SPTA1: variants seen among roughly 807,000 people sequenced by gnomAD.
SPTA1 encodes the protein spectrin alpha, erythrocytic 1.
Under a neutral mutation model 324.7 loss-of-function variants are expected in SPTA1, and 177 were observed. The ratio of observed to expected loss-of-function variants is 0.55; its 90% confidence interval spans 0.48 to 0.62. SPTA1 has a LOEUF of 0.62. SPTA1 is among the 20% of genes least tolerant of loss of function. The probability of loss-of-function intolerance (pLI) is 0.00; values close to 1 mark genes in which losing one functional copy is unlikely to be tolerated. For synonymous variants in SPTA1, 1,195 were observed against 1,041.3 expected (o/e 1.15, Z -2.84); for missense variants, 3,162 against 2,883.6 (o/e 1.10, Z -2.21).
chr1:158,671,244 T>C (rs1237116550), intron 12 of SPTA1, 99 bp downstream of exon 12: 2 of 815,464 alleles, frequency 2.5e-6, no homozygotes, highest in African/African-American at 3.4e-5. Flanking sequence ...TCAGGCTATG[T>C]CTGGTAGTTA....
At chr1:158,679,735 A>G (rs189500472) in intron 5 of SPTA1, among the ~76,000 whole-genome samples, 4 of 152,324 alleles carry the variant, frequency 2.6e-5, no homozygotes, top group African/African-American at 9.6e-5. Context: ...TCACAGAGTC[A>G]TTAACAAGTA....
intron 16 of SPTA1, 69 bp downstream of exon 16, chr1:158,666,247 C>CG: frequency 6.6e-7 from 1 of 1,520,426 alleles, no homozygotes; most frequent in Non-Finnish European, 9.1e-7. Context: ...TTACTTATTA[C>CG]TTAATAACGA....
Position 158,614,268 on chromosome 1 carries a change from A to G in SPTA1, c.6827T>C (p.Phe2276Ser). The G allele has an allele frequency of 1.9e-6, 3 of 1,596,366 alleles. No homozygotes were observed. The change falls in exon 49 of 52, where the codon TTT becomes TCT. Residue 2276 changes from phenylalanine (F) to serine (S), a missense_variant. Physicochemically the swap from Phe to Ser is radical, Grantham distance 155 (BLOSUM62 -2). Coordinates refer to ENST00000643759, the MANE Select transcript of SPTA1 (RefSeq NM_003126.4). ...TTATACTCACTTATAGATTGTGCTA[A>G]ATTCCTTTAGAGTCTCTTCACTCAC... ...KGVSEETLKE[F>S]STIYKHFDEN...
At chr1:158,672,934 CAAA>C (rs11343153) in intron 10 of SPTA1, among the ~76,000 whole-genome samples, 1 of 133,530 alleles carries the variant, frequency 7.5e-6, no homozygotes. Context: ...CGGTTTCTAC[CAAA>C]AAAAAAAAAA....
At chr1:158,629,089 TG>T (rs1485289620) in intron 39 of SPTA1, among the ~76,000 whole-genome samples, 1 of 151,880 alleles carries the variant, frequency 6.6e-6, no homozygotes, top group Non-Finnish European at 1.5e-5. Flanking sequence ...AGCATTACCC[TG>T]ACACCAAAGC....
Position 158,611,041 on chromosome 1 carries a change from T to A in SPTA1, c.*223A>T. The stretch of plus-strand genomic sequence containing the variant: ...GTGACTAGTTGCATACAAAATAGCT[T>A]CCACTCCTCCAACTCTATTAACCTT... On this transcript the variant is annotated 3_prime_UTR_variant, in exon 52 of 52. Transcript: ENST00000643759. 1.8e-6 allele frequency: 1 copy of A among 566,344 alleles called. No individual in the cohort carries two copies. The highest frequency in any genetic ancestry group is 3.1e-6 in the Non-Finnish European group (1 of 320,312). The allele number at this position is 566,344 out of a possible 1,614,324, so 35.1% of individuals were successfully genotyped here.
At chr1:158,655,978 T>G (rs193283406) in intron 20 of SPTA1, among the ~76,000 whole-genome samples, 1 of 152,200 alleles carries the variant, frequency 6.6e-6, no homozygotes, top group Non-Finnish European at 1.5e-5. Context: ...CATCTGTCTT[T>G]CCTTAATAAT....
At chr1:158,685,074 G>A (rs764149228) in intron 2 of SPTA1, 34 bp downstream of exon 2, 2 of 1,612,932 alleles carry the variant, frequency 1.2e-6, no homozygotes, top group Non-Finnish European at 8.5e-7. Flanking sequence ...AGATCTTAGG[G>A]TCTGCTCTGA....
intron 5 of SPTA1, among the ~76,000 whole-genome samples, chr1:158,680,188 ATGATAGCTC>A (rs1654697060): frequency 6.6e-6 from 1 of 152,170 alleles, no homozygotes; most frequent in South Asian, 2.1e-4. Flanking sequence ...TGTATAAATA[ATGATAGCTC>A]AACATTATTT....
intron 39 of SPTA1, among the ~76,000 whole-genome samples, chr1:158,631,647 T>C (rs1322931144): frequency 6.6e-6 from 1 of 152,132 alleles, no homozygotes; most frequent in Admixed American, 6.5e-5. Flanking sequence ...AGAAGTTTAA[T>C]AGAAATTTCC....
chr1:158,666,905 T>C (rs1334304831), intron 15 of SPTA1, among the ~76,000 whole-genome samples: 1 of 152,192 alleles, frequency 6.6e-6, no homozygotes, highest in Non-Finnish European at 1.5e-5. Flanking sequence ...TTTCTTTTTA[T>C]AAAATTATTT....
chr1:158,611,436 A>G, intron 51 of SPTA1, 47 bp from the exon 52 acceptor site: 1 of 1,610,618 alleles, frequency 6.2e-7, no homozygotes. Context: ...GATTCAAAAT[A>G]GCTGGTTCCT....
intron 50 of SPTA1, among the ~76,000 whole-genome samples, chr1:158,613,509 T>C (rs1024360828): frequency 6.6e-6 from 1 of 152,156 alleles, no homozygotes; most frequent in Non-Finnish European, 1.5e-5. Context: ...ATTGGAGAAA[T>C]TGTAAAGCTA....
rs774696277 is a variant in SPTA1, at chr1:158,677,821, C to T, written c.826G>A (p.Ala276Thr). 3 of 1,613,600 alleles carry T rather than the reference C, an allele frequency of 1.9e-6. No individual in the cohort carries two copies. The highest frequency in any genetic ancestry group is 2.5e-6 in the Non-Finnish European group (3 of 1,179,682). Residue 276 changes from alanine to threonine, a missense_variant, in exon 7 of 52, where the codon GCC (alanine) becomes ACC (threonine). Transcript: ENST00000643759. ...TCCTTCTCCTTGATCCACTGGATGG[C>T]TTCAGTCACATCCCTGCAGTCATTA... ...LQRFKRDVTEAIQWIKEKEPV... is the reference protein window; with the variant it reads ...LQRFKRDVTETIQWIKEKEPV...
chr1:158,628,008 A>G (rs1650396720), intron 39 of SPTA1, among the ~76,000 whole-genome samples: 1 of 152,142 alleles, frequency 6.6e-6, no homozygotes, highest in African/African-American at 2.4e-5. Context: ...GAGGGTTTTG[A>G]CTGGGGTCGT....
Position 158,683,328 on chromosome 1 carries a change from A to G in SPTA1, c.390+43T>C, listed in dbSNP as rs1434298885. 7 of 1,612,110 alleles carry G rather than the reference A, an allele frequency of 4.3e-6. No homozygotes were observed. The African/African-American group carries it at 8.0e-5, about 18-fold the overall frequency. On this transcript the variant is annotated intron_variant, in intron 3 of 51. Coordinates refer to ENST00000643759, the MANE Select transcript of SPTA1 (RefSeq NM_003126.4). ...TATAATCAGTTAAAACCCTGATAAC[A>G]TAATCAATAATTGGAAACTTCTTCA...
Position 158,625,496 on chromosome 1 carries a change from T to C in SPTA1, c.5910+650A>G, listed in dbSNP as rs79978121. On this transcript the variant is annotated intron_variant, in intron 42 of 51. Transcript: ENST00000643759. ...ATACAATATACAATAAAATAGACTG[T>C]TGCTGGATATAAATCAAGTTTCTGA... Among the ~76,000 whole-genome samples the C allele has an allele frequency of 8.6e-3, 1,302 of 152,110 alleles. 17 individuals are homozygous for C. The highest frequency in any genetic ancestry group is 0.03 in the African/African-American group (1,240 of 41,504).
intron 16 of SPTA1, among the ~76,000 whole-genome samples, chr1:158,663,778 T>C (rs1237204275): frequency 6.6e-6 from 1 of 152,162 alleles, no homozygotes; most frequent in Non-Finnish European, 1.5e-5. Flanking sequence ...GACAGGTTGA[T>C]GGGTGCAGCA....
At position 158,677,701 on chromosome 1, in the gene SPTA1, T is replaced by C. The variant is rs749050014; in HGVS notation, c.946A>G (p.Met316Val). 6 of 1,613,382 alleles carry C rather than the reference T, an allele frequency of 3.7e-6. No individual in the cohort carries two copies. In the East Asian group the frequency reaches 6.7e-5, roughly 18 times the overall value. ...TAACAGCGCATTACCTTGTCACTCA[T>C]GACAGCAAGATTTCTCTCAAGTCCC... ...HKGLERNLAV[M>V]SDKVKELCAK... Residue 316 changes from methionine to valine, a missense_variant, in exon 7 of 52, where the codon ATG (methionine) becomes GTG (valine). Coordinates refer to ENST00000643759, the MANE Select transcript of SPTA1 (RefSeq NM_003126.4).
Sources: allele counts gnomAD v4.1 joint callset (sites outside exome capture counted in the v4.1 genomes callset), GRCh38; gene constraint gnomAD v4.1.1; transcripts MANE v1.5; gene names NCBI Gene and HGNC (gene_info 2026-07-23, HGNC 2026-07-21).